The following NFIB variants were observed in gnomAD, a reference collection of about 807,000 sequenced individuals.
The protein encoded by NFIB is nuclear factor 1 B-type.
NFIB carries 11 observed loss-of-function variants against 61.5 expected under a neutral mutation model. The ratio of observed to expected loss-of-function variants is 0.18; its 90% CI spans 0.11 to 0.30. The LOEUF is 0.30. Ranked by LOEUF, NFIB falls within the 10% of genes least tolerant of loss-of-function variation. The pLI is 1.00. For missense variants in NFIB, 471 were observed against 608.9 expected (o/e 0.77, Z 2.38); for synonymous variants, 260 against 216.5 (o/e 1.20, Z -1.76).
intron 1 of NFIB, among the ~76,000 whole-genome samples, chr9:14,322,573 C>T (rs2060688490): frequency 6.6e-6 from 1 of 151,912 alleles, no homozygotes; most frequent in East Asian, 2.0e-4. Flanking sequence ...CTCCGGCTCG[C>T]GGCCCGCCCC....
chr9:14,415,019 G>A, the NFIB span, among the ~76,000 whole-genome samples: 1 of 152,188 alleles, frequency 6.6e-6, no homozygotes. Flanking sequence ...TGTGGGGCAG[G>A]AGTCAGAACA....
chr9:14,088,003 G>C lies in NFIB; in HGVS notation c.*306C>G. 2.7e-6 allele frequency: 1 copy of C among 375,106 alleles called. No homozygotes were observed. The allele number at this position is 375,106 out of a possible 1,614,324, so 23.2% of individuals were successfully genotyped here. A position where few individuals can be genotyped will look rare whatever the true frequency, so the allele number is the denominator to read the frequency against. ...GATCTACCATCAGTGAAATATCATCGACCCTTTTTATGTCATTACAGTTTC... is the reference window on the plus strand; with the variant it reads ...GATCTACCATCAGTGAAATATCATCCACCCTTTTTATGTCATTACAGTTTC... On this transcript the variant is annotated 3_prime_UTR_variant, in exon 11 of 11. Transcript: ENST00000380953.
chr9:14,461,927 G>C, the NFIB span, among the ~76,000 whole-genome samples: 1 of 152,168 alleles, frequency 6.6e-6, no homozygotes, highest in Non-Finnish European at 1.5e-5. Context: ...GGGGAGAACT[G>C]GATTCAGATG....
At chr9:14,140,867 C>T (rs1489989501) in intron 6 of NFIB, among the ~76,000 whole-genome samples, 1 of 152,064 alleles carries the variant, frequency 6.6e-6, no homozygotes, top group Non-Finnish European at 1.5e-5. Flanking sequence ...CTGGGGGGGT[C>T]AGGGCTACAG....
chr9:14,277,010 C>T (rs931090507), intron 2 of NFIB, among the ~76,000 whole-genome samples: 1 of 152,116 alleles, frequency 6.6e-6, no homozygotes, highest in Admixed American at 6.5e-5. Context: ...TACTGAACTG[C>T]TATTTGTGAT....
At chr9:14,155,934 G>A (rs769186035) in intron 3 of NFIB, 41 bp from the exon 4 acceptor site, 1 of 1,263,886 alleles carries the variant, frequency 7.9e-7, no homozygotes, top group Non-Finnish European at 1.1e-6. Context: ...AATATAAGCA[G>A]AAAGTAAAAT....
intron 1 of NFIB, among the ~76,000 whole-genome samples, chr9:14,388,198 A>G (rs1385773798): frequency 5.3e-5 from 8 of 152,138 alleles, no homozygotes; most frequent in Non-Finnish European, 1.2e-4. Context: ...TTGCAAAAGC[A>G]TAATGTTCAG....
the NFIB span, among the ~76,000 whole-genome samples, chr9:14,522,299 T>C: frequency 6.6e-6 from 1 of 151,270 alleles, no homozygotes; most frequent in Non-Finnish European, 1.5e-5. Context: ...TTTATGTGTG[T>C]AAACTAATTG....
chr9:14,147,559 G>C (rs1230995451), intron 5 of NFIB, among the ~76,000 whole-genome samples: 1 of 146,388 alleles, frequency 6.8e-6, no homozygotes, highest in East Asian at 2.1e-4. Flanking sequence ...TTAAAACTTA[G>C]ATTATTGATT....
chr9:14,406,725 A>C, the NFIB span, among the ~76,000 whole-genome samples: 1 of 152,146 alleles, frequency 6.6e-6, no homozygotes, highest in Non-Finnish European at 1.5e-5. Flanking sequence ...TCCAGTCTTG[A>C]CCTATAAAAA....
chr9:14,278,305 A>G (rs1277917378), intron 2 of NFIB, among the ~76,000 whole-genome samples: 1 of 152,246 alleles, frequency 6.6e-6, no homozygotes, highest in Non-Finnish European at 1.5e-5. Context: ...TGAGGTAAAA[A>G]GGACCAAATG....
At chr9:14,147,537 C>T (rs979702896) in intron 5 of NFIB, among the ~76,000 whole-genome samples, 1 of 147,148 alleles carries the variant, frequency 6.8e-6, no homozygotes, top group Non-Finnish European at 1.5e-5. Flanking sequence ...ATATATTATT[C>T]TTTACTTTTT....
chr9:14,194,219 A>G (rs901081631), intron 2 of NFIB, among the ~76,000 whole-genome samples: 1 of 152,218 alleles, frequency 6.6e-6, no homozygotes, highest in Non-Finnish European at 1.5e-5. Context: ...AAATAGACAT[A>G]AAGTGGCCAT....
rs969432343 is a variant in NFIB, at chr9:14,216,034, T to G, written c.563-36254A>C. On this transcript the variant is annotated intron_variant, in intron 2 of 10. Coordinates refer to ENST00000380953, the MANE Select transcript of NFIB (RefSeq NM_001190737.2). The stretch of plus-strand genomic sequence containing the variant: ...TCACTCTTGGTAATGACGATAAAGC[T>G]GGTATATTTTCAATTCTATTGCATA... Among the ~76,000 whole-genome samples the G allele has an allele frequency of 1.2e-4, 19 of 152,206 alleles. 1 individual carries two copies. Among genetic ancestry groups the G allele is most frequent in the South Asian group, 2.1e-4 (1 of 4,838 alleles).
chr9:14,358,495 T>C (rs1255356752), intron 1 of NFIB, among the ~76,000 whole-genome samples: 2 of 152,196 alleles, frequency 1.3e-5, no homozygotes, highest in African/African-American at 4.8e-5. Flanking sequence ...GTCATACTTG[T>C]AATTCTTGGA....
the NFIB span, among the ~76,000 whole-genome samples, chr9:14,421,200 T>A: frequency 5.0e-4 from 76 of 152,280 alleles, 1 homozygote; most frequent in South Asian, 3.3e-3. Context: ...TCTTTCTAGA[T>A]GCCAATTCTT....
chr9:14,259,810 C>G (rs1478075635), intron 2 of NFIB, among the ~76,000 whole-genome samples: 1 of 152,144 alleles, frequency 6.6e-6, no homozygotes, highest in Non-Finnish European at 1.5e-5. Context: ...GAGGCTGAGG[C>G]ACGAGAATCG....
At chr9:14,185,695 C>G (rs2047265346) in intron 2 of NFIB, among the ~76,000 whole-genome samples, 1 of 152,108 alleles carries the variant, frequency 6.6e-6, no homozygotes, top group South Asian at 2.1e-4. Context: ...GAAAGAAAGA[C>G]AAAGCATACC....
intron 2 of NFIB, among the ~76,000 whole-genome samples, chr9:14,223,368 T>C (rs948309808): frequency 5.3e-5 from 8 of 152,220 alleles, no homozygotes; most frequent in African/African-American, 1.9e-4. Context: ...AGACTCATGA[T>C]ACTAATAACT....
Sources: gnomAD v4.1 joint callset for allele counts (sites outside exome capture counted in the v4.1 genomes callset) on GRCh38, gnomAD v4.1.1 for gene constraint, MANE v1.5 for transcripts, NCBI Gene and HGNC (gene_info 2026-07-23, HGNC 2026-07-21) for gene names.